The following UBE2E1 variants were observed in gnomAD, a reference collection of about 807,000 sequenced individuals.
UBE2E1 encodes the protein ubiquitin conjugating enzyme E2 E1.
A neutral mutation model predicts 21.4 loss-of-function variants in UBE2E1; 6 were observed. The ratio of observed to expected loss-of-function variants is 0.28; its 90% CI spans 0.15 to 0.55. The LOEUF is 0.55. UBE2E1 is among the 20% of genes least tolerant of loss of function. UBE2E1 has a pLI of 0.93. For synonymous variants in UBE2E1, 87 were observed against 82.7 expected (o/e 1.05, Z -0.28); for missense variants, 142 against 236.5 (o/e 0.60, Z 2.62).
chr3:23,810,625 G>C lies in UBE2E1; in HGVS notation c.153-835G>C. 3 of 1,202,912 alleles carry C rather than the reference G, an allele frequency of 2.5e-6. No homozygotes were observed. The highest frequency in any genetic ancestry group is 3.4e-6 in the Non-Finnish European group (3 of 891,088). The allele number at this position is 1,202,912 out of a possible 1,614,324, so 74.5% of individuals were successfully genotyped here. On this transcript the variant is annotated intron_variant, in intron 2 of 5. Transcript: ENST00000306627. This position sits in a 1 kb window ranked among gnomAD's most constrained non-coding sequence, Gnocchi z 5.8. ...CGCGGGCCGGCCACTTGGGGTCTGT[G>C]GTGCCCGAGTGGCGGGCGGGGGTGT...
chr3:23,856,845 G>GA (rs1185255788), intron 3 of UBE2E1, among the ~76,000 whole-genome samples: 1 of 151,878 alleles, frequency 6.6e-6, no homozygotes, highest in East Asian at 1.9e-4. Flanking sequence ...AAAGGCTGAT[G>GA]AAAAAAATGG....
chr3:23,851,121 T>C (rs1247384866), intron 3 of UBE2E1, among the ~76,000 whole-genome samples: 1 of 152,218 alleles, frequency 6.6e-6, no homozygotes, highest in Non-Finnish European at 1.5e-5. Context: ...TATTCTTTTG[T>C]TCCCAACACC....
intron 3 of UBE2E1, among the ~76,000 whole-genome samples, chr3:23,833,659 A>T (rs1352252051): frequency 6.6e-6 from 1 of 152,204 alleles, no homozygotes; most frequent in Non-Finnish European, 1.5e-5. Flanking sequence ...TGTCTATGTA[A>T]AGAAAATTAT....
In UBE2E1 at chr3:23,871,756, C is replaced by T. The variant is rs536405066; in HGVS notation, c.204-15811C>T. On this transcript the variant is annotated intron_variant, in intron 3 of 5. Transcript: ENST00000306627. ...GACGGGGCGGCGGGGCAAAGGCGCTCCCCACATCTCAGATGATGGGCGGCC... is the reference window on the plus strand; with the variant it reads ...GACGGGGCGGCGGGGCAAAGGCGCTTCCCACATCTCAGATGATGGGCGGCC... Among the ~76,000 whole-genome samples the T allele has an allele frequency of 4.7e-4, 71 of 151,374 alleles. 1 individual carries two copies. In the East Asian group the frequency reaches 0.013, roughly 29 times the overall value.
intron 2 of UBE2E1, among the ~76,000 whole-genome samples, chr3:23,809,258 T>TA (rs374682358): frequency 1.3e-3 from 196 of 152,028 alleles, no homozygotes; most frequent in African/African-American, 3.9e-3. Flanking sequence ...TAGAAAAAGG[T>TA]AAAAAAATGG....
intron 3 of UBE2E1, among the ~76,000 whole-genome samples, chr3:23,827,118 A>G (rs1699774593): frequency 6.6e-6 from 1 of 152,198 alleles, no homozygotes; most frequent in African/African-American, 2.4e-5. Flanking sequence ...TTAAAGGGAC[A>G]AAATTTCAAT....
In UBE2E1 at chr3:23,863,902, C is replaced by T. The variant is rs557292861; in HGVS notation, c.204-23665C>T. ...TCTTCTGGTTTTAACAGGCTACCTGCTAACTCTGTTTATAGCTGTCATACC... is the reference window on the plus strand; with the variant it reads ...TCTTCTGGTTTTAACAGGCTACCTGTTAACTCTGTTTATAGCTGTCATACC... On this transcript the variant is annotated intron_variant, in intron 3 of 5. Coordinates refer to ENST00000306627, the MANE Select transcript of UBE2E1 (RefSeq NM_003341.5). The surrounding 1 kb of genome is among the most constrained non-coding windows in gnomAD (Gnocchi z 4.3). 3.3e-5 allele frequency among the ~76,000 whole-genome samples: 5 copies of T among 152,320 alleles called. 1 individual carries two copies. The East Asian group carries it at 9.6e-4, about 29-fold the overall frequency.
intron 3 of UBE2E1, among the ~76,000 whole-genome samples, chr3:23,855,352 T>C (rs1700412297): frequency 6.6e-6 from 1 of 152,224 alleles, no homozygotes. Flanking sequence ...ATACCTTCAT[T>C]AGTTATATGG....
intron 3 of UBE2E1, among the ~76,000 whole-genome samples, chr3:23,837,373 AC>A (rs1305786385): frequency 2.0e-5 from 3 of 152,162 alleles, no homozygotes; most frequent in Non-Finnish European, 4.4e-5. Context: ...TGTGTTCCAA[AC>A]CCAGCACTAA....
At chr3:23,827,746 T>C (rs559783291) in intron 3 of UBE2E1, among the ~76,000 whole-genome samples, 11 of 152,334 alleles carry the variant, frequency 7.2e-5, no homozygotes, top group East Asian at 3.9e-4. Flanking sequence ...ATATTTTTCA[T>C]TGGAATTGCC....
chr3:23,869,724 C>CAAAAA (rs5847258), intron 3 of UBE2E1, among the ~76,000 whole-genome samples: 1 of 76,874 alleles, frequency 1.3e-5, no homozygotes, highest in African/African-American at 4.5e-5. Context: ...GACCCTGTGT[C>CAAAAA]AAAAAAAAAA....
rs567643848 is a variant in UBE2E1, at chr3:23,877,838, C to T, written c.204-9729C>T. ...TCCAAGTGCCAGTTCTTTATTTTTA[C>T]GAAACATTAGTCATTGTACTATGAG... On this transcript the variant is annotated intron_variant, in intron 3 of 5. Transcript: ENST00000306627. Among the ~76,000 whole-genome samples the T allele has an allele frequency of 9.9e-5, 15 of 152,212 alleles. 1 individual carries two copies. In the South Asian group the frequency reaches 1.7e-3, roughly 17 times the overall value.
At chr3:23,857,362 C>T (rs1700465190) in intron 3 of UBE2E1, among the ~76,000 whole-genome samples, 2 of 151,964 alleles carry the variant, frequency 1.3e-5, no homozygotes, top group Admixed American at 6.5e-5. Context: ...TAGAAAGAAG[C>T]ACACATTTTT....
intron 3 of UBE2E1, among the ~76,000 whole-genome samples, chr3:23,851,683 T>A (rs1226619570): frequency 6.6e-6 from 1 of 152,120 alleles, no homozygotes; most frequent in Non-Finnish European, 1.5e-5. Context: ...ACATCTGTAG[T>A]GCCAGCTAGT....
intron 3 of UBE2E1, among the ~76,000 whole-genome samples, chr3:23,820,124 G>T (rs1442601190): frequency 6.6e-6 from 1 of 152,178 alleles, no homozygotes; most frequent in Non-Finnish European, 1.5e-5. Context: ...GCACCCGCCT[G>T]AGACATCTGA....
chr3:23,890,191 C>T (rs765888954), intron 5 of UBE2E1, among the ~76,000 whole-genome samples: 6 of 152,106 alleles, frequency 3.9e-5, no homozygotes, highest in Non-Finnish European at 7.4e-5. Context: ...AAGCCTTGAC[C>T]GTTCCAGTCT....
rs142294784 is a variant in UBE2E1 at position 23,852,086 on chromosome 3, C to G, written c.204-35481C>G. Among the ~76,000 whole-genome samples the G allele has an allele frequency of 7.2e-3, 1,104 of 152,288 alleles. 10 individuals are homozygous for G. Among genetic ancestry groups the G allele is most frequent in the African/African-American group, 0.025 (1,038 of 41,554 alleles). ...TGCCTGCTCTCCCTTCATCTTCTGC[C>G]ATGAGTGGAAGCTTCCTGAGGCCTC... On this transcript the variant is annotated intron_variant, in intron 3 of 5. Coordinates refer to ENST00000306627, the MANE Select transcript of UBE2E1 (RefSeq NM_003341.5).
chr3:23,857,323 G>A (rs1700464385), intron 3 of UBE2E1, among the ~76,000 whole-genome samples: 1 of 152,076 alleles, frequency 6.6e-6, no homozygotes, highest in South Asian at 2.1e-4. Context: ...AAGTAAAAGA[G>A]GAATTAGGTA....
chr3:23,851,332 C>T (rs1336446645), intron 3 of UBE2E1, among the ~76,000 whole-genome samples: 2 of 152,168 alleles, frequency 1.3e-5, no homozygotes, highest in African/African-American at 4.8e-5. Flanking sequence ...AGGAAGTCCT[C>T]TAGCTTCGTT....
Sources: gnomAD v4.1 joint callset for allele counts (sites outside exome capture counted in the v4.1 genomes callset) on GRCh38, gnomAD v4.1.1 for gene constraint, Gnocchi (gnomAD v3.1) non-coding constraint, MANE v1.5 for transcripts, NCBI Gene and HGNC (gene_info 2026-07-23, HGNC 2026-07-21) for gene names.